The following CAMTA2 variants were observed in gnomAD, a reference collection of about 807,000 sequenced individuals.
CAMTA2 encodes the protein calmodulin-binding transcription activator 2.
A neutral mutation model predicts 135.7 loss-of-function variants in CAMTA2; 56 were observed. That is an observed-to-expected ratio of 0.41 (90% CI 0.33 to 0.52). CAMTA2 has a LOEUF of 0.52. Ranked by LOEUF, CAMTA2 falls within the 20% of genes least tolerant of loss-of-function variation. The probability of loss-of-function intolerance (pLI) is 0.16; values close to 1 mark genes in which losing one functional copy is unlikely to be tolerated. For missense variants in CAMTA2, 1,358 were observed against 1,553.4 expected, an observed-to-expected ratio of 0.87 and a Z score of 2.11; for synonymous variants, 591 against 604.6, an observed-to-expected ratio of 0.98 and a Z score of 0.33.
Position 4,968,892 on chromosome 17 carries a change from A to G in CAMTA2, c.3545+15T>C, listed in dbSNP as rs1001058184. 22 of 1,613,472 alleles carry G rather than the reference A, an allele frequency of 1.4e-5. No individual in the cohort carries two copies. Among genetic ancestry groups the G allele is most frequent in the Non-Finnish European group, 1.8e-5 (21 of 1,179,604 alleles). The stretch of plus-strand genomic sequence containing the variant: ...GGTGGCAACGCAAAAGCCCAGGGGG[A>G]GAAGGGATGAGTACCTGTGTCGGCA... On this transcript the variant is annotated intron_variant, in intron 22 of 22. Transcript: ENST00000348066.
chr17:4,984,798 A>G (rs985188675), intron 3 of CAMTA2, among the ~76,000 whole-genome samples: 5 of 152,084 alleles, frequency 3.3e-5, no homozygotes, highest in African/African-American at 1.2e-4. Context: ...AGATGGGCGG[A>G]TCACTAGGTC....
intron 12 of CAMTA2, chr17:4,974,038 C>T: frequency 1.8e-6 from 1 of 540,826 alleles, no homozygotes; most frequent in Non-Finnish European, 3.3e-6. Context: ...GGCTTCTCCC[C>T]CTCAGAAGCC....
chr17:4,972,558 T>A (rs1247856927), intron 15 of CAMTA2, 22 bp from the exon 16 acceptor site: 1 of 1,593,366 alleles, frequency 6.3e-7, no homozygotes, highest in Admixed American at 1.8e-5. Flanking sequence ...GGGAAGAGAG[T>A]GAGGGCAGCC....
rs1352524579 is a variant in CAMTA2 at position 4,973,323 on chromosome 17, G to A, written c.2202-70C>T. On this transcript the variant is annotated intron_variant, in intron 13 of 22. Transcript: ENST00000348066. ...AGTGGGCAAAGCAGGAACATCAGAA[G>A]TAAAGGCACTAGGAGGCAAGCTGTA... 2.3e-6 allele frequency: 3 copies of A among 1,299,226 alleles called. No individual in the cohort carries two copies. In the East Asian group the frequency reaches 6.9e-5, roughly 30 times the overall value. 80.5% of individuals were successfully genotyped at this position (1,299,226 alleles called of 1,614,324 possible). A position where few individuals can be genotyped will look rare whatever the true frequency, so the allele number is the denominator to read the frequency against.
At chr17:4,974,157 T>A in intron 12 of CAMTA2, 2 of 535,688 alleles carry the variant, frequency 3.7e-6, no homozygotes, top group Non-Finnish European at 6.7e-6. Flanking sequence ...ACCTCCACCC[T>A]TCTTCAGACC....
At chr17:4,982,923 G>C (rs771563850) in intron 4 of CAMTA2, 31 bp from the exon 5 acceptor site, 1 of 1,614,156 alleles carries the variant, frequency 6.2e-7, no homozygotes, top group South Asian at 1.1e-5. Flanking sequence ...CTGGAGTTCT[G>C]TGAACAGAAC....
In CAMTA2 at chr17:4,969,821, A is replaced by G; in HGVS notation, c.3189+81T>C. ...CCATCCAAGGCCTGTCTGCACGACT[A>G]CTCATCCTCCAAAAGCCCTGGGAGC... is the stretch of plus-strand genomic sequence containing the variant. On this transcript the variant is annotated intron_variant, in intron 18 of 22. Transcript: ENST00000348066. This position sits in a 1 kb window ranked among gnomAD's most constrained non-coding sequence, Gnocchi z 5.6. 1 of 1,590,188 alleles carries G rather than the reference A, an allele frequency of 6.3e-7. No individual in the cohort carries two copies. The highest frequency in any genetic ancestry group is 8.6e-7 in the Non-Finnish European group (1 of 1,161,510).
intron 3 of CAMTA2, among the ~76,000 whole-genome samples, chr17:4,985,446 C>T (rs1213473733): frequency 6.6e-6 from 1 of 152,144 alleles, no homozygotes; most frequent in African/African-American, 2.4e-5. Flanking sequence ...GTTTTTGAGA[C>T]GGAGTCTCAC....
Position 4,971,938 on chromosome 17 carries a change from C to T in CAMTA2, c.2808+294G>A, listed in dbSNP as rs369949994. On this transcript the variant is annotated intron_variant, in intron 16 of 22. Transcript: ENST00000348066. ...TCCTGGCCTGAAGTGATCCACCCGC[C>T]CTGGCCACCCAAAGTGCTGGGATTA... Among the ~76,000 whole-genome samples, 10 of 152,288 alleles carry T rather than the reference C, an allele frequency of 6.6e-5. No individual in the cohort carries two copies. The East Asian group carries it at 1.9e-3, about 29-fold the overall frequency.
Position 4,973,682 on chromosome 17 carries a change from G to A in CAMTA2, c.2104C>T (p.Arg702Cys). ...CGGAAGGGGCTTCCATGGGCCAGACGTTCAGGACCCTTCCAGGTGGAGCGT... is the reference window on the plus strand; with the variant it reads ...CGGAAGGGGCTTCCATGGGCCAGACATTCAGGACCCTTCCAGGTGGAGCGT... ...IPRSTWKGPE[R>C]LAHGSPFRGM... Residue 702 changes from arginine (R) to cysteine (C), a missense_variant, in exon 13 of 23, where the codon CGT (arginine) becomes TGT (cysteine). Around this residue, in one of 4 missense-constraint regions of CAMTA2, gnomAD observed 1,077 missense variants for 1,127.5 expected, o/e 0.96. Coordinates refer to ENST00000348066, the MANE Select transcript of CAMTA2 (RefSeq NM_015099.4). 1.2e-6 allele frequency: 2 copies of A among 1,614,216 alleles called. No homozygotes were observed. The highest frequency in any genetic ancestry group is 1.7e-6 in the Non-Finnish European group (2 of 1,180,024).
At position 4,978,595 on chromosome 17, in the gene CAMTA2, G is replaced by T. The variant is rs142890211; in HGVS notation, c.1674C>A (p.Thr558=). The change falls in exon 10 of 23, where the codon ACC becomes ACA. Residue 558 remains threonine (T), a synonymous_variant. Coordinates refer to ENST00000348066, the MANE Select transcript of CAMTA2 (RefSeq NM_015099.4). ...GVKVLITGPW[T]EAAEHYSCVF... is the part of the protein sequence containing the mutation. ...CACAGGAGTAATGCTCGGCGGCTTC[G>T]GTCCAAGGACCTGTGATGAGCACCT... The T allele has an allele frequency of 6.2e-7, 1 of 1,614,100 alleles. No individual in the cohort carries two copies. Among genetic ancestry groups the T allele is most frequent in the South Asian group, 1.1e-5 (1 of 91,086 alleles).
At chr17:4,978,066 A>C (rs145295382) in intron 10 of CAMTA2, among the ~76,000 whole-genome samples, 85 of 152,348 alleles carry the variant, frequency 5.6e-4, no homozygotes, top group Non-Finnish European at 1.0e-3. Context: ...TGGACAGCAC[A>C]GTTCTAAAAG....
In CAMTA2 at chr17:4,985,873, A is replaced by G. The variant is rs370754644; in HGVS notation, c.135+7T>C. On this transcript the variant is annotated splice_region_variant and intron_variant, in intron 3 of 22. Coordinates refer to ENST00000348066, the MANE Select transcript of CAMTA2 (RefSeq NM_015099.4). Reference sequence around the variant, plus strand: ...CTGGGCCCCAACCCCCAGCCTCCCTAGAAAACCTCATTTGTATTCCACCGT... The same window carrying G: ...CTGGGCCCCAACCCCCAGCCTCCCTGGAAAACCTCATTTGTATTCCACCGT... 2 of 1,606,576 alleles carry G rather than the reference A, an allele frequency of 1.2e-6. No individual in the cohort carries two copies. Among genetic ancestry groups the G allele is most frequent in the East Asian group, 2.2e-5 (1 of 44,860 alleles).
rs142999940 is a variant in CAMTA2, at chr17:4,972,264, C to T, written c.2776G>A (p.Ala926Thr). 1.3e-5 allele frequency: 21 copies of T among 1,613,970 alleles called. No individual in the cohort carries two copies. The highest frequency in any genetic ancestry group is 3.3e-5 in the South Asian group (3 of 91,058). Residue 926 changes from alanine (A) to threonine (T), a missense_variant, in exon 16 of 23, where the codon GCT becomes ACT. By Grantham distance (58) the Ala-to-Thr change is moderately conservative (BLOSUM62 0). This residue lies in a region of CAMTA2 where 1,077 missense variants were observed against 1,127.5 expected (regional missense o/e 0.96). Coordinates refer to ENST00000348066, the MANE Select transcript of CAMTA2 (RefSeq NM_015099.4). ...ASDDGAAPED[A>T]DSPQAVDVIP... is the part of the protein sequence containing the mutation. ...ACATCCACAGCCTGTGGGCTGTCAG[C>T]GTCCTCTGGAGCAGCCCCATCATCT...
Position 4,972,310 on chromosome 17 carries a change from A to G in CAMTA2, c.2730T>C (p.Leu910=), listed in dbSNP as rs144794944. 20 of 1,613,834 alleles carry G rather than the reference A, an allele frequency of 1.2e-5. No homozygotes were observed. In the African/African-American group the frequency reaches 2.7e-4, roughly 22 times the overall value. Residue 910 remains leucine, a synonymous_variant, in exon 16 of 23, where the codon CTT becomes CTC. Coordinates refer to ENST00000348066, the MANE Select transcript of CAMTA2 (RefSeq NM_015099.4). ...CATCTGAAGCTGGTGGGAGGGCAGG[A>G]AGGGAGGAGAGGGGCCCCTTGGAGT... ...ATNSKGPLSS[L]PALPPASDDG... is the part of the protein sequence containing the mutation.
chr17:4,978,775 G>C (rs981837781), intron 9 of CAMTA2, 145 bp from the exon 10 acceptor site: 1 of 841,788 alleles, frequency 1.2e-6, no homozygotes, highest in African/African-American at 1.7e-5. Flanking sequence ...AGGACCCAGT[G>C]GGGTGAGGTC....
At position 4,979,784 on chromosome 17, in the gene CAMTA2, A is replaced by G. The variant is rs1209120333; in HGVS notation, c.1538T>C (p.Leu513Pro). The change falls in exon 9 of 23, where the codon CTC becomes CCC. Residue 513 changes from leucine to proline, a missense_variant. Leu to Pro is a moderately conservative substitution (Grantham distance 98). This residue lies in a region of CAMTA2 where 1,077 missense variants were observed against 1,127.5 expected (regional missense o/e 0.96). Transcript: ENST00000348066. Reference sequence around the variant, plus strand: ...GATGCTTGGAGCTTCGTCACTGATGAGTTCTCCCATAAGGTCTGGGAATGA... The same window carrying G: ...GATGCTTGGAGCTTCGTCACTGATGGGTTCTCCCATAAGGTCTGGGAATGA... ...LSSFPDLMGE[L>P]ISDEAPSIPA... 3.1e-6 allele frequency: 5 copies of G among 1,613,938 alleles called. No individual in the cohort carries two copies. Among genetic ancestry groups the G allele is most frequent in the Non-Finnish European group, 4.2e-6 (5 of 1,180,020 alleles).
chr17:4,971,706 T>C (rs1972297962), intron 16 of CAMTA2, among the ~76,000 whole-genome samples: 3 of 144,388 alleles, frequency 2.1e-5, no homozygotes, highest in Non-Finnish European at 4.6e-5. Context: ...TTTTTTTTTT[T>C]TTGAGACAGT....
Position 4,968,991 on chromosome 17 carries a change from GAA to G in CAMTA2, c.3471-12_3471-11del. ...GGTGAGAAAGGAGCCTCTGGTGAAA[GAA>G]ACAAAAGATGGACCTCACAGAAGGC... is the stretch of plus-strand genomic sequence containing the variant. On this transcript the variant is annotated splice_polypyrimidine_tract_variant and intron_variant, in intron 21 of 22. Coordinates refer to ENST00000348066, the MANE Select transcript of CAMTA2 (RefSeq NM_015099.4). 1 of 1,613,760 alleles carries G rather than the reference GAA, an allele frequency of 6.2e-7. No homozygotes were observed. Among genetic ancestry groups the G allele is most frequent in the Non-Finnish European group, 8.5e-7 (1 of 1,179,868 alleles).
Sources: gnomAD v4.1 joint callset for allele counts (sites outside exome capture counted in the v4.1 genomes callset) on GRCh38, gnomAD v4.1.1 for gene constraint, gnomAD v4.1.1 regional missense constraint, Gnocchi (gnomAD v3.1) non-coding constraint, MANE v1.5 for transcripts, NCBI Gene and HGNC (gene_info 2026-07-23, HGNC 2026-07-21) for gene names.